CDH9: variants seen among roughly 807,000 people sequenced by gnomAD.
The protein encoded by CDH9 is cadherin-9.
In CDH9, 28 loss-of-function variants were observed where a neutral mutation model predicts 70.9. The ratio of observed to expected loss-of-function variants is 0.40; its 90% confidence interval spans 0.29 to 0.54. The LOEUF (loss-of-function observed/expected upper bound fraction) is 0.54, where lower values mean the gene tolerates loss of function less well. CDH9 is among the 20% of genes least tolerant of loss of function. CDH9 has a pLI of 0.59. For missense variants in CDH9, 874 were observed against 984.4 expected (o/e 0.89, Z 1.50); for synonymous variants, 409 against 343.1 (o/e 1.19, Z -2.12).
chr5:26,980,328 A>T (rs1198586213), intron 2 of CDH9, among the ~76,000 whole-genome samples: 3 of 151,842 alleles, frequency 2.0e-5, no homozygotes, highest in East Asian at 3.9e-4. Context: ...TTTTAACATA[A>T]ATTTCTGATA....
rs374476133 is a variant in CDH9 at position 26,897,201 on chromosome 5, C to G, written c.1253+5275G>C. Among the ~76,000 whole-genome samples the G allele has an allele frequency of 3.6e-4, 54 of 151,954 alleles. No homozygotes were observed. In the East Asian group the frequency reaches 4.7e-3, roughly 13 times the overall value. The stretch of plus-strand genomic sequence containing the variant: ...AATAACCTACCAACAAAAAAAAAGC[C>G]CAAGAACAGACGGATTCACAGCCAA... On this transcript the variant is annotated intron_variant, in intron 7 of 11. Transcript: ENST00000231021.
chr5:26,993,584 G>A (rs1166635967), intron 1 of CDH9, among the ~76,000 whole-genome samples: 1 of 149,712 alleles, frequency 6.7e-6, no homozygotes, highest in Non-Finnish European at 1.5e-5. Flanking sequence ...TAATATGACA[G>A]CCCAGGAGGA....
At chr5:26,921,644 G>A (rs772201422) in intron 2 of CDH9, among the ~76,000 whole-genome samples, 3 of 152,098 alleles carry the variant, frequency 2.0e-5, no homozygotes, top group Non-Finnish European at 4.4e-5. Flanking sequence ...ATTCACTTTC[G>A]ACAGCCTGCT....
At chr5:26,889,786 C>G in intron 9 of CDH9, 50 bp downstream of exon 9, 1 of 1,197,332 alleles carries the variant, frequency 8.4e-7, no homozygotes, top group Non-Finnish European at 1.2e-6. Flanking sequence ...TGTCATTTGA[C>G]TTTGTAAAGA....
chr5:26,929,853 T>C (rs1297547483), intron 2 of CDH9, among the ~76,000 whole-genome samples: 2 of 151,960 alleles, frequency 1.3e-5, no homozygotes, highest in Non-Finnish European at 2.9e-5. Flanking sequence ...GGAAGTTTAG[T>C]ATCGAATGGG....
At chr5:26,933,271 C>T (rs936843636) in intron 2 of CDH9, among the ~76,000 whole-genome samples, 25 of 150,828 alleles carry the variant, frequency 1.7e-4, no homozygotes, top group African/African-American at 5.6e-4. Context: ...GTAAATTAAA[C>T]CTGAGGTAAA....
At chr5:26,957,648 G>T (rs1196151283) in intron 2 of CDH9, among the ~76,000 whole-genome samples, 1 of 151,772 alleles carries the variant, frequency 6.6e-6, no homozygotes, top group African/African-American at 2.4e-5. Flanking sequence ...GGGAACAGAA[G>T]AGACGGTCTC....
chr5:26,938,377 G>A (rs1164768424), intron 2 of CDH9, among the ~76,000 whole-genome samples: 1 of 151,788 alleles, frequency 6.6e-6, no homozygotes, highest in African/African-American at 2.4e-5. Context: ...AAAATTAGAT[G>A]CTTGTATATT....
chr5:27,028,504 G>C (rs1199521272), intron 1 of CDH9: 1 of 152,000 alleles, frequency 6.6e-6, no homozygotes, highest in Non-Finnish European at 1.5e-5. Context: ...TGGACTGGTA[G>C]TTGAGAATGA....
intron 1 of CDH9, among the ~76,000 whole-genome samples, chr5:26,993,136 T>G: frequency 6.8e-6 from 1 of 147,342 alleles, no homozygotes; most frequent in East Asian, 2.0e-4. Context: ...CTAAGTAACA[T>G]GGAACAGAAC....
chr5:27,025,817 C>T (rs991966777), intron 1 of CDH9, among the ~76,000 whole-genome samples: 1 of 151,796 alleles, frequency 6.6e-6, no homozygotes, highest in Non-Finnish European at 1.5e-5. Flanking sequence ...ACTAAAGGAG[C>T]GTCAATCCAT....
intron 1 of CDH9, among the ~76,000 whole-genome samples, chr5:27,015,288 C>T (rs3811925): frequency 6.6e-6 from 1 of 151,506 alleles, no homozygotes; most frequent in Non-Finnish European, 1.5e-5. Context: ...TGATCGTGTT[C>T]TCACTATTGA....
rs563456708 is a variant in CDH9 at position 26,957,940 on chromosome 5, G to C, written c.228+30166C>G. 2.1e-3 allele frequency among the ~76,000 whole-genome samples: 325 copies of C among 152,150 alleles called. 3 individuals carry two copies. The highest frequency in any genetic ancestry group is 8.1e-3 in the South Asian group (39 of 4,830). ...TAAAATGACAGATGAAGCAAACAAA[G>C]TTAGTCTCCCATTCAGTTTCACATT... On this transcript the variant is annotated intron_variant, in intron 2 of 11. Transcript: ENST00000231021.
chr5:26,913,924 A>G (rs1741099339), intron 3 of CDH9, among the ~76,000 whole-genome samples: 1 of 152,068 alleles, frequency 6.6e-6, no homozygotes, highest in Non-Finnish European at 1.5e-5. Flanking sequence ...AGTAAAATAT[A>G]ATAGTCCATT....
chr5:26,913,976 C>T (rs186503623), intron 3 of CDH9, among the ~76,000 whole-genome samples: 16 of 151,720 alleles, frequency 1.1e-4, no homozygotes, highest in East Asian at 3.9e-4. Context: ...AGGTTATGTG[C>T]GATTAAATAT....
chr5:26,936,849 TCACACACACACACGCACACA>T (rs147487297), intron 2 of CDH9, among the ~76,000 whole-genome samples: 17,602 of 149,820 alleles, frequency 0.12, 1,174 homozygotes, highest in Middle Eastern at 0.28. Flanking sequence ...CTTATAGCCT[TCACACACACACACGCACACA>T]CACACACACC....
chr5:26,981,313 C>T (rs553530883), intron 2 of CDH9, among the ~76,000 whole-genome samples: 7 of 152,146 alleles, frequency 4.6e-5, no homozygotes, highest in Admixed American at 1.3e-4. Flanking sequence ...TTAACCGATG[C>T]ACATCATTCT....
At chr5:27,019,763 C>T (rs991860520) in intron 1 of CDH9, among the ~76,000 whole-genome samples, 1 of 151,708 alleles carries the variant, frequency 6.6e-6, no homozygotes, top group Non-Finnish European at 1.5e-5. Flanking sequence ...TAAATTTACT[C>T]GTCGGAAACA....
At chr5:27,035,703 T>G (rs369472666) in intron 1 of CDH9, among the ~76,000 whole-genome samples, 1 of 132,584 alleles carries the variant, frequency 7.5e-6, no homozygotes, top group South Asian at 2.3e-4. Flanking sequence ...TGTGTGTGTG[T>G]GTGTGTGGGT....
Sources: gnomAD v4.1 joint callset for allele counts (sites outside exome capture counted in the v4.1 genomes callset) on GRCh38, gnomAD v4.1.1 for gene constraint, MANE v1.5 for transcripts, NCBI Gene and HGNC (gene_info 2026-07-23, HGNC 2026-07-21) for gene names.